The following PAN3 variants were observed in gnomAD, a reference collection of about 807,000 sequenced individuals.
PAN3 encodes the protein PAN2-PAN3 deadenylation complex subunit PAN3.
PAN3 carries 19 observed loss-of-function variants against 96.2 expected under a neutral mutation model. The observed-to-expected ratio is 0.20, with a 90% CI of 0.14 to 0.29. The LOEUF (loss-of-function observed/expected upper bound fraction) is 0.29, where lower values mean the gene tolerates loss of function less well. Among genes scored for constraint, PAN3 ranks in the 10% least tolerant of loss-of-function variants. The pLI is 1.00. For missense variants in PAN3, 882 were observed against 1,108.1 expected, an observed-to-expected ratio of 0.80 and a Z score of 2.90; for synonymous variants, 433 against 406.6, an observed-to-expected ratio of 1.06 and a Z score of -0.78.
intron 1 of PAN3, among the ~76,000 whole-genome samples, chr13:28,155,929 A>G (rs1249484052): frequency 6.6e-6 from 1 of 152,308 alleles, no homozygotes; most frequent in Non-Finnish European, 1.5e-5. Context: ...GAATAGGCCA[A>G]TTATGGAGAG....
chr13:28,243,072 A>G (rs1593545599), intron 6 of PAN3, among the ~76,000 whole-genome samples: 1 of 152,200 alleles, frequency 6.6e-6, no homozygotes, highest in African/African-American at 2.4e-5. Context: ...TATTTGGATG[A>G]TGGCAAACAA....
At chr13:28,166,283 A>C (rs1266761736) in intron 1 of PAN3, among the ~76,000 whole-genome samples, 1 of 152,210 alleles carries the variant, frequency 6.6e-6, no homozygotes, top group Admixed American at 6.5e-5. Flanking sequence ...AAAGGGAGAA[A>C]TTGGAAAGAA....
chr13:28,154,309 G>A (rs1014870237), intron 1 of PAN3, among the ~76,000 whole-genome samples: 1 of 152,076 alleles, frequency 6.6e-6, no homozygotes, highest in Admixed American at 6.6e-5. Context: ...ATACACTCCA[G>A]TGAAACAGTG....
chr13:28,215,626 C>T (rs1229975362), intron 5 of PAN3: 5 of 1,154,500 alleles, frequency 4.3e-6, no homozygotes, highest in Non-Finnish European at 6.3e-6. Context: ...TCCAGGTTTG[C>T]TGAGCTGAAG....
intron 6 of PAN3, among the ~76,000 whole-genome samples, chr13:28,249,445 G>A (rs774797043): frequency 2.6e-5 from 4 of 151,902 alleles, no homozygotes; most frequent in Non-Finnish European, 4.4e-5. Context: ...ATTAACGCAA[G>A]ATTTTTATTA....
rs149369530 is a variant in PAN3 at position 28,292,449 on chromosome 13, C to G, written c.2591C>G (p.Thr864Ser). The stretch of plus-strand genomic sequence containing the variant: ...GATGAGAAGAGTGTACTTGTGGTGA[C>G]CTACAGTGACTTAAAGCGCTGCTTT... ...SRDEKSVLVV[T>S]YSDLKRCFEN... is the part of the protein sequence containing the mutation. Residue 864 changes from threonine (T) to serine (S), a missense_variant, in exon 19 of 19, where the codon ACC becomes AGC. Thr to Ser is a moderately conservative substitution (Grantham distance 58). Around this residue, in one of 3 missense-constraint regions of PAN3, gnomAD observed 76 missense variants for 171.7 expected, o/e 0.44. Transcript: ENST00000380958. 9,390 of 1,612,404 alleles carry G rather than the reference C, an allele frequency of 5.8e-3. 55 individuals are homozygous for G. The highest frequency in any genetic ancestry group is 0.013 in the South Asian group (1,166 of 90,708).
At chr13:28,211,261 C>G (rs1338194457) in intron 5 of PAN3, among the ~76,000 whole-genome samples, 1 of 152,068 alleles carries the variant, frequency 6.6e-6, no homozygotes, top group Non-Finnish European at 1.5e-5. Context: ...ATTCCTCCAC[C>G]CTGTCTTTCT....
intron 1 of PAN3, among the ~76,000 whole-genome samples, chr13:28,148,309 G>T (rs1049483009): frequency 3.3e-5 from 5 of 151,964 alleles, no homozygotes; most frequent in Non-Finnish European, 7.4e-5. Context: ...TAGAGATGGG[G>T]TCTTGCTCAT....
chr13:28,273,745 A>G (rs1307127978), intron 14 of PAN3, among the ~76,000 whole-genome samples: 1 of 152,200 alleles, frequency 6.6e-6, no homozygotes, highest in Non-Finnish European at 1.5e-5. Flanking sequence ...TTCTTTGTGT[A>G]TAAGAAGTTT....
intron 6 of PAN3, among the ~76,000 whole-genome samples, chr13:28,241,806 A>C (rs759511685): frequency 2.6e-5 from 4 of 152,236 alleles, no homozygotes; most frequent in Non-Finnish European, 5.9e-5. Flanking sequence ...TTATGATTAC[A>C]TAAGTTCCTT....
intron 1 of PAN3, among the ~76,000 whole-genome samples, chr13:28,141,903 C>G (rs886792879): frequency 6.6e-6 from 1 of 152,198 alleles, no homozygotes; most frequent in South Asian, 2.1e-4. Context: ...GGTGGGACAT[C>G]TTAGGAAAAT....
intron 13 of PAN3, 142 bp downstream of exon 13, chr13:28,271,008 C>A: frequency 1.0e-5 from 9 of 900,446 alleles, no homozygotes; most frequent in Admixed American, 3.1e-5. Context: ...CATTTGTAAG[C>A]TTTTTAAAGA....
intron 1 of PAN3, among the ~76,000 whole-genome samples, chr13:28,159,344 C>T (rs767952074): frequency 1.9e-4 from 29 of 152,278 alleles, no homozygotes; most frequent in Admixed American, 1.4e-3. Context: ...GATGAACTAA[C>T]GCAGTAGCAG....
At chr13:28,191,641 C>T (rs1260157114) in intron 4 of PAN3, among the ~76,000 whole-genome samples, 1 of 152,162 alleles carries the variant, frequency 6.6e-6, no homozygotes, top group African/African-American at 2.4e-5. Flanking sequence ...ACTTTTACTC[C>T]CTCTTCCCCA....
At chr13:28,257,699 T>TA (rs1491237416) in intron 7 of PAN3, among the ~76,000 whole-genome samples, 1 of 137,762 alleles carries the variant, frequency 7.3e-6, no homozygotes, top group African/African-American at 2.8e-5. Flanking sequence ...TAAATATATA[T>TA]TATATATATT....
chr13:28,188,225 T>C (rs886621220), intron 4 of PAN3, among the ~76,000 whole-genome samples: 6 of 148,200 alleles, frequency 4.0e-5, no homozygotes, highest in Non-Finnish European at 5.9e-5. Context: ...GGATTTATTA[T>C]ATATTTATTT....
At chr13:28,198,396 G>C (rs1286084345) in intron 5 of PAN3, among the ~76,000 whole-genome samples, 1 of 152,066 alleles carries the variant, frequency 6.6e-6, no homozygotes, top group Non-Finnish European at 1.5e-5. Context: ...TTTTTACTAG[G>C]AAACAAAAAT....
chr13:28,230,830 T>C (rs1017242987), intron 6 of PAN3, among the ~76,000 whole-genome samples: 4 of 152,336 alleles, frequency 2.6e-5, no homozygotes, highest in African/African-American at 9.6e-5. Context: ...TTTATCACTA[T>C]GAATGAAGGA....
intron 1 of PAN3, among the ~76,000 whole-genome samples, chr13:28,145,853 A>G (rs1160958997): frequency 6.9e-6 from 1 of 145,722 alleles, no homozygotes. Flanking sequence ...TCCACCTCCC[A>G]GGTTCAAGTG....
Sources: gnomAD v4.1 joint callset for allele counts (sites outside exome capture counted in the v4.1 genomes callset) on GRCh38, gnomAD v4.1.1 for gene constraint, gnomAD v4.1.1 regional missense constraint, MANE v1.5 for transcripts, NCBI Gene and HGNC (gene_info 2026-07-23, HGNC 2026-07-21) for gene names.